Variants in ATG7 observed in about 807,000 individuals in gnomAD.
The protein encoded by ATG7 is ubiquitin-like modifier-activating enzyme ATG7.
In ATG7, 70 loss-of-function variants were observed where a neutral mutation model predicts 82.4. The ratio of observed to expected loss-of-function variants is 0.85; its 90% CI spans 0.70 to 1.04. ATG7 has a LOEUF of 1.04. ATG7 is among the 50% of genes least tolerant of loss of function. The probability of loss-of-function intolerance (pLI) is 0.00; values close to 1 mark genes in which losing one functional copy is unlikely to be tolerated. For missense variants in ATG7, 792 were observed against 864.3 expected, an observed-to-expected ratio of 0.92 and a Z score of 1.05; for synonymous variants, 287 against 313.0, an observed-to-expected ratio of 0.92 and a Z score of 0.88.
intron 5 of ATG7, among the ~76,000 whole-genome samples, chr3:11,305,434 C>T (rs1367308074): frequency 6.6e-6 from 1 of 152,214 alleles, no homozygotes; most frequent in Non-Finnish European, 1.5e-5. Flanking sequence ...CTCTTCTGTG[C>T]TTGTGTCCAA....
In ATG7 at chr3:11,331,350, G is replaced by C; in HGVS notation, c.689G>C (p.Gly230Ala). ...FQGQRTKITI[G>A]VYDPCNLAQY... ...CTTTTTTGTTCACAGATAACAATTGGTGTATATGATCCCTGTAACTTAGCC... is the reference window on the plus strand; with the variant it reads ...CTTTTTTGTTCACAGATAACAATTGCTGTATATGATCCCTGTAACTTAGCC... Residue 230 changes from glycine (G) to alanine (A), a missense_variant, in exon 10 of 21, where the codon GGT becomes GCT. Coordinates refer to ENST00000693202, the MANE Select transcript of ATG7 (RefSeq NM_001349232.2). 1 of 1,612,948 alleles carries C rather than the reference G, an allele frequency of 6.2e-7. No individual in the cohort carries two copies. The highest frequency in any genetic ancestry group is 8.5e-7 in the Non-Finnish European group (1 of 1,178,966).
chr3:11,417,802 T>TATTATTATTA (rs140710668), intron 19 of ATG7, among the ~76,000 whole-genome samples: 1 of 89,442 alleles, frequency 1.1e-5, no homozygotes, highest in African/African-American at 4.2e-5. Flanking sequence ...TTATTATTAT[T>TATTATTATTA]TTATTTTATT....
chr3:11,445,348 T>TACAC (rs1199751060), intron 20 of ATG7, among the ~76,000 whole-genome samples: 3 of 152,158 alleles, frequency 2.0e-5, no homozygotes, highest in African/African-American at 7.2e-5. Context: ...GTAGTACATA[T>TACAC]ACACCATGGA....
intron 5 of ATG7, among the ~76,000 whole-genome samples, chr3:11,303,126 G>A (rs552155606): frequency 2.0e-5 from 3 of 152,178 alleles, no homozygotes; most frequent in South Asian, 2.1e-4. Flanking sequence ...ACAGATTAAT[G>A]AGGAAAGACA....
At chr3:11,478,493 G>A (rs766969414) in intron 20 of ATG7, among the ~76,000 whole-genome samples, 1 of 152,178 alleles carries the variant, frequency 6.6e-6, no homozygotes, top group Non-Finnish European at 1.5e-5. Flanking sequence ...ATTATCATGA[G>A]GGATTTGGAA....
At chr3:11,513,954 C>G (rs1274161869) in intron 20 of ATG7, among the ~76,000 whole-genome samples, 1 of 152,206 alleles carries the variant, frequency 6.6e-6, no homozygotes, top group East Asian at 1.9e-4. Flanking sequence ...GTCTTGATCT[C>G]CCACGCTCAA....
chr3:11,522,300 A>G (rs914131299), intron 20 of ATG7, among the ~76,000 whole-genome samples: 9 of 152,156 alleles, frequency 5.9e-5, no homozygotes, highest in Admixed American at 3.9e-4. Context: ...AGTATCAGGG[A>G]ACTCTGACAC....
intron 19 of ATG7, among the ~76,000 whole-genome samples, chr3:11,426,048 GGCTATCATGAATAGCGC>G (rs778852652): frequency 0.04 from 6,085 of 151,900 alleles, 164 homozygotes; most frequent in Middle Eastern, 0.095. Context: ...TCTAGTTTTG[GGCTATCATGAATAGCGC>G]TGCTGTGGAC....
At chr3:11,480,571 A>G (rs1008388056) in intron 20 of ATG7, among the ~76,000 whole-genome samples, 1 of 151,752 alleles carries the variant, frequency 6.6e-6, no homozygotes, top group Non-Finnish European at 1.5e-5. Context: ...CCCTGTTTCA[A>G]GAAACAGACA....
In ATG7 at chr3:11,556,085, T is replaced by TATTA. The variant is rs1446331240; in HGVS notation, c.*1243_*1246dup. On this transcript the variant is annotated 3_prime_UTR_variant, in exon 21 of 21. Coordinates refer to ENST00000693202, the MANE Select transcript of ATG7 (RefSeq NM_001349232.2). ...TACACTATGTGGTTTAAGAGCACTT[T>TATTA]ATTATTGTTCTTAAGGCTACTTTTA... 1 of 152,696 alleles carries TATTA rather than the reference T, an allele frequency of 6.5e-6. No individual in the cohort carries two copies. The highest frequency in any genetic ancestry group is 6.5e-5 in the Admixed American group (1 of 15,280). The allele number at this position is 152,696 out of a possible 1,614,324, so 9.5% of individuals were successfully genotyped here.
chr3:11,486,366 G>C (rs1030773708), intron 20 of ATG7, among the ~76,000 whole-genome samples: 2 of 152,188 alleles, frequency 1.3e-5, no homozygotes, highest in African/African-American at 4.8e-5. Context: ...AAGAATGCTT[G>C]TGATTTTTGC....
intron 18 of ATG7, among the ~76,000 whole-genome samples, chr3:11,368,229 TAAAAAAAAAAAAA>T (rs760208581): frequency 1.8e-5 from 2 of 109,350 alleles, no homozygotes; most frequent in Non-Finnish European, 3.8e-5. Context: ...TTCTTTTACT[TAAAAAAAAAAAAA>T]AAAAAAAAAA....
Position 11,331,427 on chromosome 3 carries a change from T to C in ATG7, c.766T>C (p.Trp256Arg). The C allele has an allele frequency of 6.3e-7, 1 of 1,594,114 alleles. No individual in the cohort carries two copies. The highest frequency in any genetic ancestry group is 2.2e-5 in the East Asian group (1 of 44,778). Residue 256 changes from tryptophan to arginine, a missense_variant and splice_region_variant, in exon 10 of 21, where the codon TGG (tryptophan) becomes CGG (arginine). By Grantham distance (101) the Trp-to-Arg change is moderately radical. Transcript: ENST00000693202. The stretch of plus-strand genomic sequence containing the variant: ...TTTTTTGGTCCTAGCAGCCCACAGA[T>C]GGTATTTACAAGAGTGTGTGTTTGT... ...RNFLVLAAHR[W>R]SSSFQSVEVV...
At chr3:11,546,518 C>G (rs1023315144) in intron 20 of ATG7, among the ~76,000 whole-genome samples, 1 of 152,154 alleles carries the variant, frequency 6.6e-6, no homozygotes, top group East Asian at 1.9e-4. Context: ...TTAACGGACA[C>G]ACAGAAATAT....
intron 20 of ATG7, among the ~76,000 whole-genome samples, chr3:11,508,659 C>T (rs2091879078): frequency 6.6e-6 from 1 of 152,152 alleles, no homozygotes; most frequent in South Asian, 2.1e-4. Context: ...CCATCTTGCC[C>T]AGGCTGGTCT....
At chr3:11,432,360 A>G (rs1180593239) in intron 20 of ATG7, among the ~76,000 whole-genome samples, 1 of 152,216 alleles carries the variant, frequency 6.6e-6, no homozygotes, top group African/African-American at 2.4e-5. Context: ...TGTGTGGTAG[A>G]TTAATTTTAT....
intron 20 of ATG7, among the ~76,000 whole-genome samples, chr3:11,434,811 G>A (rs1183094471): frequency 2.6e-5 from 4 of 152,196 alleles, no homozygotes; most frequent in East Asian, 1.9e-4. Flanking sequence ...AAGAAGGGGG[G>A]AAATCATAAA....
the ATG7 span, among the ~76,000 whole-genome samples, chr3:11,569,238 G>A: frequency 4.6e-5 from 7 of 152,200 alleles, no homozygotes; most frequent in African/African-American, 1.2e-4. Flanking sequence ...CTGAGCCTGC[G>A]CTGGGCTTCA....
chr3:11,431,088 A>T (rs1050825191), intron 20 of ATG7, among the ~76,000 whole-genome samples: 2 of 152,252 alleles, frequency 1.3e-5, no homozygotes, highest in African/African-American at 2.4e-5. Context: ...TTATTGAGTT[A>T]TAATTCACAT....
Sources: allele counts gnomAD v4.1 joint callset (sites outside exome capture counted in the v4.1 genomes callset), GRCh38; gene constraint gnomAD v4.1.1; transcripts MANE v1.5; gene names NCBI Gene and HGNC (gene_info 2026-07-23, HGNC 2026-07-21).